UBA52: variants seen among roughly 807,000 people sequenced by gnomAD.
UBA52 encodes ubiquitin-ribosomal protein eL40 fusion protein.
A neutral mutation model predicts 15.3 loss-of-function variants in UBA52; 1 was observed. The observed-to-expected ratio is 0.07, with a 90% CI of 0.02 to 0.31. The LOEUF (loss-of-function observed/expected upper bound fraction) is 0.31, where lower values mean the gene tolerates loss of function less well. Ranked by LOEUF, UBA52 falls within the 10% of genes least tolerant of loss-of-function variation. UBA52 has a pLI of 1.00. For missense variants in UBA52, 87 were observed against 168.0 expected, an observed-to-expected ratio of 0.52 and a Z score of 2.66; for synonymous variants, 50 against 58.3, an observed-to-expected ratio of 0.86 and a Z score of 0.65.
upstream of UBA52, chr19:18,568,461 A>G (rs976395476): frequency 1.2e-6 from 2 of 1,613,690 alleles, no homozygotes; most frequent in African/African-American, 2.7e-5. Flanking sequence ...ACCCAGCACC[A>G]CGACCACCAT....
rs576367863 is a variant in UBA52 at position 18,575,518 on chromosome 19, C to T, written c.*368C>T. On this transcript the variant is annotated 3_prime_UTR_variant, in exon 5 of 5. Coordinates refer to ENST00000442744, the MANE Select transcript of UBA52 (RefSeq NM_001033930.3). ...CTTTGAGGTGTCCCTCAGGCCTTGG[C>T]CCTGAAGTGTCTAGGTGTGTGGAGA... The T allele has an allele frequency of 1.9e-4, 62 of 326,282 alleles. No homozygotes were observed. Among genetic ancestry groups the T allele is most frequent in the Admixed American group, 9.1e-4 (20 of 22,094 alleles). The allele number at this position is 326,282 out of a possible 1,614,324, so 20.2% of individuals were successfully genotyped here. A position where few individuals can be genotyped will look rare whatever the true frequency, so the allele number is the denominator to read the frequency against.
At chr19:18,566,404 C>T in the UBA52 span, among the ~76,000 whole-genome samples, 34,115 of 148,072 alleles carry the variant, frequency 0.23, 4,493 homozygotes, top group East Asian at 0.42. Context: ...GGAGGTGAGC[C>T]GAGATCGCGC....
chr19:18,571,354 T>C (rs115615552), upstream of UBA52, among the ~76,000 whole-genome samples: 829 of 151,328 alleles, frequency 5.5e-3, 9 homozygotes, highest in African/African-American at 0.019. Flanking sequence ...TTGACACCTT[T>C]TGTCAGGCAC....
At chr19:18,574,407 G>T (rs1399102811) in intron 3 of UBA52, among the ~76,000 whole-genome samples, 1 of 151,502 alleles carries the variant, frequency 6.6e-6, no homozygotes, top group African/African-American at 2.4e-5. Flanking sequence ...CCCTGCCTCA[G>T]CCTCCCGAGT....
At chr19:18,574,446 G>A (rs1975678822) in intron 3 of UBA52, among the ~76,000 whole-genome samples, 1 of 151,678 alleles carries the variant, frequency 6.6e-6, no homozygotes, top group Non-Finnish European at 1.5e-5. Flanking sequence ...CCGCCACCAC[G>A]CCCAGCTAAT....
the UBA52 span, among the ~76,000 whole-genome samples, chr19:18,565,714 G>A: frequency 6.6e-6 from 1 of 152,032 alleles, no homozygotes; most frequent in Non-Finnish European, 1.5e-5. Context: ...TTGAGGTGGA[G>A]TCTTGCTCTG....
At position 18,575,120 on chromosome 19, in the gene UBA52, C is replaced by T. The variant is rs762206132; in HGVS notation, c.357C>T (p.Asn119=). 2 of 1,614,226 alleles carry T rather than the reference C, an allele frequency of 1.2e-6. No homozygotes were observed. Among genetic ancestry groups the T allele is most frequent in the South Asian group, 2.2e-5 (2 of 91,090 alleles). The change falls in exon 5 of 5, where the codon AAC becomes AAT. Residue 119 remains asparagine (N), a synonymous_variant. Coordinates refer to ENST00000442744, the MANE Select transcript of UBA52 (RefSeq NM_001033930.3). ...GCAAGAAGAAGTGTGGTCACACCAA[C>T]AACCTGCGTCCCAAGAAGAAGGTCA... ...NCRKKKCGHT[N]NLRPKKKVK is the part of the protein sequence containing the mutation.
upstream of UBA52, chr19:18,568,754 T>G: frequency 5.7e-6 from 4 of 706,400 alleles, no homozygotes; most frequent in Non-Finnish European, 9.4e-6. Flanking sequence ...CCAGGGCTCC[T>G]AGGGGGACAA....
At chr19:18,568,565 C>T, upstream of UBA52, 2 of 1,613,874 alleles carry the variant, frequency 1.2e-6, no homozygotes, top group South Asian at 2.2e-5. Context: ...TGTCCCATGT[C>T]CAGCCTGGCT....
chr19:18,568,541 C>T (rs11086117), upstream of UBA52: 79,243 of 1,613,874 alleles, frequency 0.049, 7,900 homozygotes, highest in African/African-American at 0.43. Context: ...CCCTGAGCCC[C>T]GGCTTCGAGG....
chr19:18,575,740 G>C lies in UBA52; in HGVS notation c.*590G>C, dbSNP rs998870755. The C allele has an allele frequency of 6.5e-6, 1 of 153,248 alleles. No individual in the cohort carries two copies. The highest frequency in any genetic ancestry group is 1.9e-4 in the South Asian group (1 of 5,280). 9.5% of individuals were successfully genotyped at this position (153,248 alleles called of 1,614,324 possible). A position where few individuals can be genotyped will look rare whatever the true frequency, so the allele number is the denominator to read the frequency against. ...TGCCTGACCCAGTTCTCAGTTTTTTGTTTGTTTGTTTGTTTGTTTGTTTTG... is the reference window on the plus strand; with the variant it reads ...TGCCTGACCCAGTTCTCAGTTTTTTCTTTGTTTGTTTGTTTGTTTGTTTTG... On this transcript the variant is annotated 3_prime_UTR_variant, in exon 5 of 5. Transcript: ENST00000442744.
chr19:18,576,243 A>G lies in UBA52; in HGVS notation c.*1093A>G, dbSNP rs191281440. On this transcript the variant is annotated 3_prime_UTR_variant, in exon 5 of 5. Transcript: ENST00000442744. ...GTACCCTGGAACTCAGGCTTGGGTG[A>G]TCCTCTCTCCTTTGCCTCCGAAGTA... The G allele has an allele frequency of 5.9e-5, 9 of 152,158 alleles. No individual in the cohort carries two copies. Among genetic ancestry groups the G allele is most frequent in the African/African-American group, 2.2e-4 (9 of 41,452 alleles). The allele number at this position is 152,158 out of a possible 1,614,324, so 9.4% of individuals were successfully genotyped here.
chr19:18,568,355 G>T, upstream of UBA52: 1 of 1,427,202 alleles, frequency 7.0e-7, no homozygotes, highest in Non-Finnish European at 9.8e-7. Flanking sequence ...CTACATCACA[G>T]AGCTTGGCAA....
In UBA52 at chr19:18,576,263, G is replaced by A. The variant is rs1349342803; in HGVS notation, c.*1113G>A. ...GGGTGATCCTCTCTCCTTTGCCTCC[G>A]AAGTAGCCAGGACTACAGGTGTGCA... is the stretch of plus-strand genomic sequence containing the variant. On this transcript the variant is annotated 3_prime_UTR_variant, in exon 5 of 5. Coordinates refer to ENST00000442744, the MANE Select transcript of UBA52 (RefSeq NM_001033930.3). 1 of 152,236 alleles carries A rather than the reference G, an allele frequency of 6.6e-6. No individual in the cohort carries two copies. The highest frequency in any genetic ancestry group is 2.1e-4 in the South Asian group (1 of 4,830). 9.4% of individuals were successfully genotyped at this position (152,236 alleles called of 1,614,324 possible).
intron 1 of UBA52, chr19:18,572,681 T>C: frequency 8.2e-6 from 4 of 487,836 alleles, no homozygotes; most frequent in Non-Finnish European, 1.1e-5. Context: ...GCTTGGCAGG[T>C]GGTTGGTAGA....
chr19:18,570,479 AG>A (rs1975439923), upstream of UBA52, among the ~76,000 whole-genome samples: 1 of 149,164 alleles, frequency 6.7e-6, no homozygotes, highest in South Asian at 2.1e-4. Context: ...TGGGATTACA[AG>A]TGTGAACCAC....
Position 18,575,065 on chromosome 19 carries a change from C to T in UBA52, c.302C>T (p.Ala101Val). Residue 101 changes from alanine to valine, a missense_variant, in exon 5 of 5, where the codon GCT (alanine) becomes GTT (valine). Transcript: ENST00000442744. ...CDKMICRKCY[A>V]RLHPRAVNCR... Reference sequence around the variant, plus strand: ...CTCCTGTCTCTGTGCAGGTGCTATGCTCGCCTTCACCCTCGTGCTGTCAAC... The same window carrying T: ...CTCCTGTCTCTGTGCAGGTGCTATGTTCGCCTTCACCCTCGTGCTGTCAAC... The T allele has an allele frequency of 6.2e-7, 1 of 1,614,236 alleles. No homozygotes were observed. Among genetic ancestry groups the T allele is most frequent in the East Asian group, 2.2e-5 (1 of 44,888 alleles).
rs1443834418 is a variant in UBA52, at chr19:18,577,498, C to G, written c.*2348C>G. 1.3e-5 allele frequency: 2 copies of G among 152,184 alleles called. No homozygotes were observed. The highest frequency in any genetic ancestry group is 3.8e-4 in the East Asian group (2 of 5,196). The allele number at this position is 152,184 out of a possible 1,614,324, so 9.4% of individuals were successfully genotyped here. A position where few individuals can be genotyped will look rare whatever the true frequency, so the allele number is the denominator to read the frequency against. On this transcript the variant is annotated 3_prime_UTR_variant, in exon 5 of 5. Transcript: ENST00000442744. ...GTGGACTCTTTTTGAACTGTTAACA[C>G]TCCCCGCAAAGGTCCGCAGCTTCAT...
At chr19:18,565,044 G>GGTC in the UBA52 span, 1 of 1,596,760 alleles carries the variant, frequency 6.3e-7, no homozygotes, top group South Asian at 1.1e-5. Context: ...TGCCACCCCA[G>GGTC]CCCAGCTGAC....
Sources: allele counts gnomAD v4.1 joint callset (sites outside exome capture counted in the v4.1 genomes callset), GRCh38; gene constraint gnomAD v4.1.1; transcripts MANE v1.5; gene names NCBI Gene and HGNC (gene_info 2026-07-23, HGNC 2026-07-21).